Variants in CACNA1A observed in about 807,000 individuals in gnomAD.
CACNA1A encodes the protein calcium voltage-gated channel subunit alpha1 A.
CACNA1A carries 57 observed loss-of-function variants against 262.4 expected under a neutral mutation model. The observed-to-expected ratio is 0.22, with a 90% CI of 0.18 to 0.27. The LOEUF is 0.27. Among genes scored for constraint, CACNA1A ranks in the 10% least tolerant of loss-of-function variants. CACNA1A has a pLI of 1.00. For missense variants in CACNA1A, 2,526 were observed against 3,562.8 expected, an observed-to-expected ratio of 0.71 and a Z score of 7.41; for synonymous variants, 1,431 against 1,419.3, an observed-to-expected ratio of 1.01 and a Z score of -0.18.
At chr19:13,356,650 T>C (rs1429757549) in intron 6 of CACNA1A, among the ~76,000 whole-genome samples, 1 of 152,142 alleles carries the variant, frequency 6.6e-6, no homozygotes, top group Non-Finnish European at 1.5e-5. Context: ...CTGTGACATA[T>C]CCCTTTTTTA....
chr19:13,492,177 A>T (rs1226059819), intron 1 of CACNA1A, among the ~76,000 whole-genome samples: 1 of 152,216 alleles, frequency 6.6e-6, no homozygotes, highest in Non-Finnish European at 1.5e-5. Context: ...GACTGCCTCA[A>T]GCCCCACACA....
At chr19:13,318,738 G>A (rs967101091) in intron 10 of CACNA1A, among the ~76,000 whole-genome samples, 1 of 152,086 alleles carries the variant, frequency 6.6e-6, no homozygotes, top group African/African-American at 2.4e-5. Context: ...AGAGAGGGAT[G>A]AGCCAAGGTG....
chr19:13,384,982 TC>T (rs2059585070), intron 3 of CACNA1A, among the ~76,000 whole-genome samples: 1 of 152,020 alleles, frequency 6.6e-6, no homozygotes, highest in Non-Finnish European at 1.5e-5. Flanking sequence ...TGATGATGTA[TC>T]TCTTGGCCTT....
intron 1 of CACNA1A, among the ~76,000 whole-genome samples, chr19:13,480,088 T>C (rs1216238732): frequency 1.3e-5 from 2 of 152,236 alleles, no homozygotes; most frequent in Admixed American, 6.5e-5. Flanking sequence ...AACATACAAC[T>C]ATATTAGCAT....
chr19:13,337,810 C>T (rs980859449), intron 6 of CACNA1A, among the ~76,000 whole-genome samples: 2 of 152,200 alleles, frequency 1.3e-5, no homozygotes, highest in Non-Finnish European at 1.5e-5. Context: ...GATGGTATAG[C>T]CTACTACACA....
Position 13,332,858 on chromosome 19 carries a change from A to G in CACNA1A, c.1255+11T>C. On this transcript the variant is annotated intron_variant, in intron 9 of 46. Coordinates refer to ENST00000360228, the MANE Select transcript of CACNA1A (RefSeq NM_001127222.2). ...TGGGACCCACCCCTGAGGTGGGTTTAGAGCAGTTACCATCAAAGGGATGCC... is the reference window on the plus strand; with the variant it reads ...TGGGACCCACCCCTGAGGTGGGTTTGGAGCAGTTACCATCAAAGGGATGCC... 1.2e-6 allele frequency: 2 copies of G among 1,602,708 alleles called. No homozygotes were observed. The highest frequency in any genetic ancestry group is 1.7e-6 in the Non-Finnish European group (2 of 1,169,908).
chr19:13,293,367 T>G (rs1212235480), intron 19 of CACNA1A, among the ~76,000 whole-genome samples: 1 of 150,232 alleles, frequency 6.7e-6, no homozygotes, highest in Non-Finnish European at 1.5e-5. Context: ...AAAAAATTGC[T>G]AACATTTATT....
At chr19:13,454,912 C>T (rs944743795) in intron 2 of CACNA1A, among the ~76,000 whole-genome samples, 195 bp downstream of exon 2, 1 of 151,956 alleles carries the variant, frequency 6.6e-6, no homozygotes, top group Non-Finnish European at 1.5e-5. Flanking sequence ...TGAGCTATGA[C>T]TGAACCACTG....
intron 3 of CACNA1A, among the ~76,000 whole-genome samples, chr19:13,392,232 A>G (rs1022775479): frequency 2.6e-5 from 4 of 152,040 alleles, no homozygotes; most frequent in African/African-American, 9.7e-5. Context: ...AAAGAAAAGA[A>G]AAAAGAAAGA....
rs1399078984 is a variant in CACNA1A, at chr19:13,298,838, T to A, written c.2795A>T (p.His932Leu). ...CCTGCTGCCCCCCTGCCGGTGCACGTGCCTCCGGTGGGGGTCCCCGGCCTT... is the reference window on the plus strand; with the variant it reads ...CCTGCTGCCCCCCTGCCGGTGCACGAGCCTCCGGTGGGGGTCCCCGGCCTT... ...RGKAGDPHRR[H>L]VHRQGGSRES... The change falls in exon 19 of 47, where the codon CAC becomes CTC. Residue 932 changes from histidine to leucine, a missense_variant. Around this residue, in one of 17 missense-constraint regions of CACNA1A, gnomAD observed 765 missense variants for 748.6 expected, o/e 1.02. Coordinates refer to ENST00000360228, the MANE Select transcript of CACNA1A (RefSeq NM_001127222.2). 3 of 1,581,934 alleles carry A rather than the reference T, an allele frequency of 1.9e-6. No homozygotes were observed. Among genetic ancestry groups the A allele is most frequent in the South Asian group, 1.1e-5 (1 of 88,534 alleles).
Position 13,317,279 on chromosome 19 carries a change from T to C in CACNA1A, c.1388A>G (p.Glu463Gly). ...CTTTTTGTGAAAAAAGGTCGAGTTCTCCAGCTTGGCACTTTTAATGCTGGC... is the reference window on the plus strand; with the variant it reads ...CTTTTTGTGAAAAAAGGTCGAGTTCCCCAGCTTGGCACTTTTAATGCTGGC... ...ARASIKSAKL[E>G]NSTFFHKKER... The change falls in exon 11 of 47, where the codon GAG (glutamate) becomes GGG (glycine). Residue 463 changes from glutamate (E) to glycine (G), a missense_variant. Physicochemically the swap from Glu to Gly is moderately conservative, Grantham distance 98. This residue lies in a region of CACNA1A where 104 missense variants were observed against 127.6 expected (regional missense o/e 0.81). Coordinates refer to ENST00000360228, the MANE Select transcript of CACNA1A (RefSeq NM_001127222.2). The C allele has an allele frequency of 6.2e-7, 1 of 1,612,326 alleles. No homozygotes were observed.
intron 22 of CACNA1A, among the ~76,000 whole-genome samples, chr19:13,281,768 G>C (rs1221881641): frequency 6.6e-6 from 1 of 152,210 alleles, no homozygotes; most frequent in Non-Finnish European, 1.5e-5. Flanking sequence ...AACGTTATGG[G>C]GCCACAGTGT....
chr19:13,312,366 T>C (rs899156323), intron 12 of CACNA1A, among the ~76,000 whole-genome samples: 6 of 152,258 alleles, frequency 3.9e-5, no homozygotes, highest in Non-Finnish European at 7.4e-5. Context: ...GGGTACTTAG[T>C]TGGAGCGACA....
intron 4 of CACNA1A, among the ~76,000 whole-genome samples, chr19:13,368,338 C>CTTTTTTTTTTTTTTT (rs796514314): frequency 7.1e-6 from 1 of 140,658 alleles, no homozygotes; most frequent in African/African-American, 2.6e-5. Flanking sequence ...CTATCATTGG[C>CTTTTTTTTTTTTTTT]TTTTTTTTTT....
intron 1 of CACNA1A, among the ~76,000 whole-genome samples, chr19:13,499,119 C>T (rs932860536): frequency 6.6e-6 from 1 of 151,966 alleles, no homozygotes; most frequent in African/African-American, 2.4e-5. Flanking sequence ...GTGGAGTTTG[C>T]AGTGGACACC....
intron 6 of CACNA1A, among the ~76,000 whole-genome samples, chr19:13,354,449 C>T (rs145061624): frequency 7.5e-4 from 114 of 152,302 alleles, no homozygotes; most frequent in East Asian, 3.5e-3. Context: ...TGGCTGGGCA[C>T]GAAGGCAGAA....
At chr19:13,500,945 G>A (rs911822668) in intron 1 of CACNA1A, among the ~76,000 whole-genome samples, 1 of 152,122 alleles carries the variant, frequency 6.6e-6, no homozygotes, top group Non-Finnish European at 1.5e-5. Context: ...GCTATATACT[G>A]TGAAATTACA....
chr19:13,304,473 T>TA (rs2057856284), intron 15 of CACNA1A, among the ~76,000 whole-genome samples: 3 of 151,266 alleles, frequency 2.0e-5, no homozygotes, highest in South Asian at 2.1e-4. Context: ...TACAAAAAAT[T>TA]TAAAAAAATT....
intron 1 of CACNA1A, among the ~76,000 whole-genome samples, chr19:13,499,296 A>G (rs1264654082): frequency 6.6e-6 from 1 of 152,022 alleles, no homozygotes; most frequent in Non-Finnish European, 1.5e-5. Context: ...TTTACCTTAG[A>G]CTCAAGGGAA....
Sources: allele counts gnomAD v4.1 joint callset (sites outside exome capture counted in the v4.1 genomes callset), GRCh38; gene constraint gnomAD v4.1.1; regional missense constraint gnomAD v4.1.1; transcripts MANE v1.5; gene names NCBI Gene and HGNC (gene_info 2026-07-23, HGNC 2026-07-21).